The following CMTM8 variants were observed in gnomAD, a reference collection of about 807,000 sequenced individuals.
CMTM8 encodes CKLF like MARVEL transmembrane domain containing 8, also known as CKLF-like MARVEL transmembrane domain-containing protein 8.
In CMTM8, 12 loss-of-function variants were observed where a neutral mutation model predicts 18.6. The ratio of observed to expected loss-of-function variants is 0.65; its 90% CI spans 0.41 to 1.05. The LOEUF (loss-of-function observed/expected upper bound fraction) is 1.05. CMTM8 is among the 50% of genes least tolerant of loss of function. The pLI, the probability that CMTM8 is intolerant of heterozygous loss-of-function variation, is 0.00. For missense variants in CMTM8, 217 were observed against 227.2 expected (o/e 0.95, Z 0.29); for synonymous variants, 87 against 90.6 (o/e 0.96, Z 0.23).
intron 3 of CMTM8, among the ~76,000 whole-genome samples, chr3:32,368,441 A>G (rs6550124): frequency 0.94 from 141,151 of 150,388 alleles, 66,902 homozygotes; most frequent in Non-Finnish European, 1. Flanking sequence ...GAGGGGAGTG[A>G]GACAAGAAAC....
rs1158462028 is a variant in CMTM8 at position 32,248,615 on chromosome 3, C to T, written c.147+9496C>T. Among the ~76,000 whole-genome samples, 8 of 152,118 alleles carry T rather than the reference C, an allele frequency of 5.3e-5. No individual in the cohort carries two copies. The South Asian group carries it at 6.2e-4, about 12-fold the overall frequency. Reference sequence around the variant, plus strand: ...CTGACCTCAGGTGATCCACCTGCCTCGGCCTCCCAAAGTGCTGGGATTACA... The same window carrying T: ...CTGACCTCAGGTGATCCACCTGCCTTGGCCTCCCAAAGTGCTGGGATTACA... On this transcript the variant is annotated intron_variant, in intron 1 of 3. Coordinates refer to ENST00000307526, the MANE Select transcript of CMTM8 (RefSeq NM_178868.5).
intron 1 of CMTM8, among the ~76,000 whole-genome samples, chr3:32,245,561 T>C (rs1272636148): frequency 6.6e-6 from 1 of 152,242 alleles, no homozygotes; most frequent in East Asian, 1.9e-4. Context: ...TCTTAGTAAA[T>C]TGTGCCCTTC....
chr3:32,279,250 C>T (rs1463045466), intron 1 of CMTM8, among the ~76,000 whole-genome samples: 3 of 143,588 alleles, frequency 2.1e-5, no homozygotes, highest in Admixed American at 6.9e-5. Flanking sequence ...CATATGTATA[C>T]ATGTGCCATG....
chr3:32,259,539 C>G, intron 1 of CMTM8: 1 of 798,974 alleles, frequency 1.3e-6, no homozygotes, highest in Non-Finnish European at 2.3e-6. Flanking sequence ...CAGCTGGAGA[C>G]AGAGATCGAG....
At chr3:32,264,629 A>G (rs985538713) in intron 1 of CMTM8, among the ~76,000 whole-genome samples, 1 of 152,234 alleles carries the variant, frequency 6.6e-6, no homozygotes, top group African/African-American at 2.4e-5. Context: ...AATGGGCTAA[A>G]TGCTCCAATT....
intron 1 of CMTM8, among the ~76,000 whole-genome samples, chr3:32,303,902 G>A (rs1443240597): frequency 2.0e-5 from 3 of 152,098 alleles, no homozygotes; most frequent in African/African-American, 7.2e-5. Context: ...TAAATTAATT[G>A]TAATACCTTC....
chr3:32,334,397 G>A lies in CMTM8; in HGVS notation c.148-22976G>A, dbSNP rs1696343677. Among the ~76,000 whole-genome samples, 10 of 151,966 alleles carry A rather than the reference G, an allele frequency of 6.6e-5. 1 individual carries two copies. In the East Asian group the frequency reaches 1.8e-3, roughly 27 times the overall value. On this transcript the variant is annotated intron_variant, in intron 1 of 3. Coordinates refer to ENST00000307526, the MANE Select transcript of CMTM8 (RefSeq NM_178868.5). ...CCAGGCAGGCAGATCACGAGGTCAG[G>A]AGATCAAGACCATCCTGGCTAACAT...
At chr3:32,341,705 C>T (rs1696498509) in intron 1 of CMTM8, among the ~76,000 whole-genome samples, 1 of 150,610 alleles carries the variant, frequency 6.6e-6, no homozygotes, top group African/African-American at 2.4e-5. Context: ...GGCGAAACCC[C>T]CTCTCTAATA....
intron 1 of CMTM8, among the ~76,000 whole-genome samples, chr3:32,264,807 T>C (rs1348691846): frequency 1.3e-5 from 2 of 152,108 alleles, no homozygotes. Flanking sequence ...GCAATCCTAG[T>C]CTCTGATAAA....
At chr3:32,326,875 C>T (rs1696169021) in intron 1 of CMTM8, among the ~76,000 whole-genome samples, 1 of 152,108 alleles carries the variant, frequency 6.6e-6, no homozygotes. Flanking sequence ...TTATTGGTTT[C>T]CCCGATAACC....
chr3:32,266,987 G>T (rs1490881010), intron 1 of CMTM8, among the ~76,000 whole-genome samples: 1 of 152,160 alleles, frequency 6.6e-6, no homozygotes, highest in Non-Finnish European at 1.5e-5. Flanking sequence ...CATGCTCATG[G>T]ATAGGAAGAA....
chr3:32,247,157 G>A (rs1702027826), intron 1 of CMTM8, among the ~76,000 whole-genome samples: 1 of 152,066 alleles, frequency 6.6e-6, no homozygotes, highest in Non-Finnish European at 1.5e-5. Flanking sequence ...AATCCACATT[G>A]TTTAGTGTAG....
rs1356010643 is a variant in CMTM8, at chr3:32,276,809, C to T, written c.147+37690C>T. Among the ~76,000 whole-genome samples the T allele has an allele frequency of 1.6e-4, 25 of 152,126 alleles. 1 individual carries two copies. Among genetic ancestry groups the T allele is most frequent in the Admixed American group, 1.6e-3 (25 of 15,274 alleles). On this transcript the variant is annotated intron_variant, in intron 1 of 3. Transcript: ENST00000307526. ...AACTTGTTTGGTGAGGCTGCCAGACCTTCCATATCAAACTGAGGGATGCCT... is the reference window on the plus strand; with the variant it reads ...AACTTGTTTGGTGAGGCTGCCAGACTTTCCATATCAAACTGAGGGATGCCT...
intron 1 of CMTM8, among the ~76,000 whole-genome samples, chr3:32,293,077 G>GTATATATATATATATATATA (rs61467491): frequency 6.9e-6 from 1 of 145,738 alleles, no homozygotes; most frequent in African/African-American, 2.5e-5. Context: ...ATATGTGTGT[G>GTATATATATATATATATATA]TATATATATA....
intron 1 of CMTM8, among the ~76,000 whole-genome samples, chr3:32,289,420 G>A (rs890619365): frequency 2.0e-5 from 3 of 152,174 alleles, no homozygotes; most frequent in Admixed American, 2.0e-4. Context: ...AGGAAATCAG[G>A]AAGCTTCAGA....
intron 1 of CMTM8, among the ~76,000 whole-genome samples, chr3:32,292,977 C>T (rs1276647465): frequency 2.6e-5 from 4 of 151,962 alleles, no homozygotes; most frequent in African/African-American, 9.7e-5. Flanking sequence ...GACATATATC[C>T]ATATCCTAAT....
intron 1 of CMTM8, among the ~76,000 whole-genome samples, chr3:32,330,197 A>ATTT (rs57467295): frequency 0.027 from 3,430 of 125,062 alleles, 87 homozygotes; most frequent in Non-Finnish European, 0.043. Flanking sequence ...TCCCAGTGGC[A>ATTT]TTTTTTTTTT....
At chr3:32,342,545 T>C (rs1282463310) in intron 1 of CMTM8, among the ~76,000 whole-genome samples, 2 of 152,154 alleles carry the variant, frequency 1.3e-5, no homozygotes, top group African/African-American at 4.8e-5. Flanking sequence ...CCGTGTGGCA[T>C]TCAGGTGTCC....
intron 1 of CMTM8, among the ~76,000 whole-genome samples, chr3:32,288,945 G>A (rs1179725861): frequency 1.3e-5 from 2 of 152,146 alleles, no homozygotes; most frequent in African/African-American, 4.8e-5. Flanking sequence ...TTAGTGACTT[G>A]CCTAAGATTA....
Sources: gnomAD v4.1 joint callset for allele counts (sites outside exome capture counted in the v4.1 genomes callset) on GRCh38, gnomAD v4.1.1 for gene constraint, MANE v1.5 for transcripts, NCBI Gene and HGNC (gene_info 2026-07-23, HGNC 2026-07-21) for gene names.